Variants in TBXAS1 observed in about 807,000 individuals in gnomAD.
The protein encoded by TBXAS1 is thromboxane A synthase 1.
Under a neutral mutation model 60.7 loss-of-function variants are expected in TBXAS1, and 48 were observed. The ratio of observed to expected loss-of-function variants is 0.79; its 90% CI spans 0.63 to 1.01. The LOEUF is 1.01. TBXAS1 is among the 50% of genes least tolerant of loss of function. The pLI is 0.00. For missense variants in TBXAS1, 685 were observed against 686.3 expected (o/e 1.00, Z 0.02); for synonymous variants, 287 against 269.7 (o/e 1.06, Z -0.63).
At chr7:139,958,811 C>T (rs973806410) in intron 8 of TBXAS1, among the ~76,000 whole-genome samples, 9 of 152,236 alleles carry the variant, frequency 5.9e-5, no homozygotes, top group Non-Finnish European at 1.2e-4. Flanking sequence ...GAACTCAACT[C>T]GCATGTCCTT....
intron 4 of TBXAS1, among the ~76,000 whole-genome samples, chr7:139,790,775 G>A (rs1797357542): frequency 6.6e-6 from 1 of 152,150 alleles, no homozygotes; most frequent in Non-Finnish European, 1.5e-5. Flanking sequence ...ATAAGTGACT[G>A]CATGATTGAC....
chr7:139,952,104 C>T (rs186096507), intron 5 of TBXAS1, among the ~76,000 whole-genome samples: 1 of 152,222 alleles, frequency 6.6e-6, no homozygotes, highest in East Asian at 1.9e-4. Flanking sequence ...GTCTGAGTGT[C>T]GGGTGCACTG....
intron 10 of TBXAS1, among the ~76,000 whole-genome samples, chr7:140,007,995 CAG>C (rs1192191905): frequency 1.3e-5 from 2 of 152,178 alleles, no homozygotes; most frequent in African/African-American, 4.8e-5. Flanking sequence ...CAGACCCCTA[CAG>C]AGAGTGAAGT....
At chr7:139,876,650 T>C (rs945686554) in intron 3 of TBXAS1, among the ~76,000 whole-genome samples, 4 of 152,062 alleles carry the variant, frequency 2.6e-5, no homozygotes, top group Non-Finnish European at 5.9e-5. Flanking sequence ...TGGCCCCTCC[T>C]AGGAAGCCCA....
intron 4 of TBXAS1, 81 bp from the exon 5 acceptor site, chr7:139,936,110 G>A: frequency 7.8e-7 from 1 of 1,285,120 alleles, no homozygotes; most frequent in Non-Finnish European, 1.1e-6. Flanking sequence ...TTTAACCAGG[G>A]TGTTTGTCAT....
intron 9 of TBXAS1, among the ~76,000 whole-genome samples, chr7:139,972,237 G>A (rs960169490): frequency 1.6e-4 from 25 of 152,224 alleles, no homozygotes; most frequent in African/African-American, 4.6e-4. Context: ...CAGCATGTAT[G>A]TGGTGTCTTT....
At chr7:139,790,090 T>G (rs1480089070) in intron 4 of TBXAS1, among the ~76,000 whole-genome samples, 1 of 152,230 alleles carries the variant, frequency 6.6e-6, no homozygotes, top group African/African-American at 2.4e-5. Context: ...TGTTCCATTA[T>G]TTCCTCCTCT....
intron 4 of TBXAS1, among the ~76,000 whole-genome samples, chr7:139,930,810 G>T (rs927292990): frequency 6.6e-6 from 1 of 152,178 alleles, no homozygotes; most frequent in African/African-American, 2.4e-5. Context: ...GTGTGACAAG[G>T]CTGCGGGCAG....
chr7:140,001,491 G>A (rs759062154), intron 9 of TBXAS1, among the ~76,000 whole-genome samples: 10 of 151,986 alleles, frequency 6.6e-5, no homozygotes, highest in Admixed American at 3.9e-4. Context: ...TCCCAGGCTC[G>A]AGCAATTTTC....
At chr7:139,914,447 T>G (rs894786873) in intron 4 of TBXAS1, among the ~76,000 whole-genome samples, 17 of 152,266 alleles carry the variant, frequency 1.1e-4, no homozygotes, top group Middle Eastern at 3.4e-3. Flanking sequence ...GTGGCAGAAC[T>G]TCTTATTCTT....
chr7:140,011,565 C>T (rs1814622109), intron 10 of TBXAS1, among the ~76,000 whole-genome samples: 1 of 152,182 alleles, frequency 6.6e-6, no homozygotes, highest in South Asian at 2.1e-4. Flanking sequence ...TCGGTAGAGA[C>T]ATAGACAACA....
At chr7:139,967,502 C>T (rs879715941) in intron 9 of TBXAS1, among the ~76,000 whole-genome samples, 4 of 152,174 alleles carry the variant, frequency 2.6e-5, no homozygotes, top group Non-Finnish European at 4.4e-5. Flanking sequence ...TCAAGTTCAA[C>T]GGGAAGAAGC....
chr7:139,941,916 C>A (rs6964435), intron 5 of TBXAS1, among the ~76,000 whole-genome samples: 2 of 152,126 alleles, frequency 1.3e-5, no homozygotes, highest in Admixed American at 6.5e-5. Context: ...CAGGTTAGCA[C>A]TAGATTTATT....
chr7:139,931,436 C>T (rs1447454840), intron 4 of TBXAS1, among the ~76,000 whole-genome samples: 1 of 152,178 alleles, frequency 6.6e-6, no homozygotes, highest in Non-Finnish European at 1.5e-5. Flanking sequence ...AGTCTCGTTA[C>T]TCATTGAATT....
intron 1 of TBXAS1, among the ~76,000 whole-genome samples, chr7:139,847,675 T>C (rs1405807023): frequency 6.6e-5 from 10 of 152,128 alleles, no homozygotes; most frequent in Non-Finnish European, 2.9e-5. Context: ...TCACCTCCTA[T>C]TTACCCCCGA....
At chr7:139,863,771 G>A (rs891526500) in intron 1 of TBXAS1, among the ~76,000 whole-genome samples, 4 of 152,132 alleles carry the variant, frequency 2.6e-5, no homozygotes, top group Non-Finnish European at 5.9e-5. Context: ...ATCAAAATAT[G>A]AGCATAAATC....
intron 1 of TBXAS1, among the ~76,000 whole-genome samples, chr7:139,844,005 C>A (rs974652141): frequency 1.3e-5 from 2 of 152,228 alleles, no homozygotes; most frequent in Non-Finnish European, 2.9e-5. Context: ...GTTTTCTAGG[C>A]TGTGAGCTGG....
intron 4 of TBXAS1, among the ~76,000 whole-genome samples, chr7:139,807,393 T>TA (rs1797904777): frequency 6.6e-6 from 1 of 151,960 alleles, no homozygotes; most frequent in Non-Finnish European, 1.5e-5. Flanking sequence ...TAGTTAATTT[T>TA]TTTTTTTTTT....
chr7:139,940,996 C>T (rs933040664), intron 5 of TBXAS1, among the ~76,000 whole-genome samples: 4 of 151,962 alleles, frequency 2.6e-5, no homozygotes, highest in South Asian at 4.2e-4. Context: ...TACACATATA[C>T]GTATACACAT....
Sources: allele counts gnomAD v4.1 joint callset (sites outside exome capture counted in the v4.1 genomes callset), GRCh38; gene constraint gnomAD v4.1.1; transcripts MANE v1.5; gene names NCBI Gene and HGNC (gene_info 2026-07-23, HGNC 2026-07-21).